The following ANO4 variants were observed in gnomAD, a reference collection of about 807,000 sequenced individuals.
The protein encoded by ANO4 is anoctamin-4.
ANO4 carries 69 observed loss-of-function variants against 141.9 expected under a neutral mutation model. That is an observed-to-expected ratio of 0.49 (90% CI 0.40 to 0.59). ANO4 has a LOEUF of 0.59. Ranked by LOEUF, ANO4 falls within the 20% of genes least tolerant of loss-of-function variation. The pLI, the probability that ANO4 is intolerant of heterozygous loss-of-function variation, is 0.00. For synonymous variants in ANO4, 350 were observed against 394.3 expected (o/e 0.89, Z 1.33); for missense variants, 894 against 1,162.2 (o/e 0.77, Z 3.36).
intron 8 of ANO4, among the ~76,000 whole-genome samples, chr12:101,016,472 A>G (rs1461886938): frequency 6.6e-6 from 1 of 152,026 alleles, no homozygotes; most frequent in East Asian, 1.9e-4. Flanking sequence ...CATGAACCAA[A>G]CACCTCCCAC....
intron 5 of ANO4, among the ~76,000 whole-genome samples, chr12:100,944,275 G>A (rs950573072): frequency 6.6e-6 from 1 of 152,078 alleles, no homozygotes. Context: ...GCTGCCTGTT[G>A]TACAGTTGTG....
chr12:100,762,495 G>A (rs1399932429), intron 3 of ANO4, among the ~76,000 whole-genome samples: 1 of 152,136 alleles, frequency 6.6e-6, no homozygotes, highest in Non-Finnish European at 1.5e-5. Flanking sequence ...CAGTTGAAAA[G>A]CAAGGCTCCC....
chr12:101,109,758 G>A (rs901628744), intron 22 of ANO4, among the ~76,000 whole-genome samples: 9 of 152,026 alleles, frequency 5.9e-5, no homozygotes, highest in Non-Finnish European at 1.5e-5. Flanking sequence ...TTATTACTGT[G>A]ATGTTTGACT....
intron 6 of ANO4, 170 bp from the exon 7 acceptor site, chr12:100,974,675 C>T (rs937259814): frequency 8.0e-6 from 6 of 745,562 alleles, no homozygotes; most frequent in African/African-American, 3.4e-5. Flanking sequence ...GACTCAAAAA[C>T]GCATGCCCTG....
intron 7 of ANO4, among the ~76,000 whole-genome samples, chr12:100,983,472 C>T (rs957990558): frequency 6.6e-6 from 1 of 152,162 alleles, no homozygotes; most frequent in Non-Finnish European, 1.5e-5. Flanking sequence ...GTGTTGGTCA[C>T]CCTGGGCTTT....
At chr12:101,043,867 G>A (rs1279855530) in intron 13 of ANO4, among the ~76,000 whole-genome samples, 1 of 152,230 alleles carries the variant, frequency 6.6e-6, no homozygotes, top group Admixed American at 6.5e-5. Context: ...GGCACAGTGT[G>A]AGGAGCACGG....
chr12:100,849,303 T>C (rs2037743151), intron 1 of ANO4, among the ~76,000 whole-genome samples: 1 of 152,236 alleles, frequency 6.6e-6, no homozygotes, highest in East Asian at 1.9e-4. Flanking sequence ...TCTGTATGTA[T>C]TTTCAAGTGT....
At chr12:101,098,030 G>A in intron 21 of ANO4, 85 bp downstream of exon 21, 3 of 1,243,274 alleles carry the variant, frequency 2.4e-6, no homozygotes, top group South Asian at 1.3e-5. Flanking sequence ...AAGCAATGCA[G>A]ACTCAGCAGT....
At chr12:100,794,199 C>T (rs1313954629), upstream of ANO4, among the ~76,000 whole-genome samples, 1 of 152,112 alleles carries the variant, frequency 6.6e-6, no homozygotes, top group African/African-American at 2.4e-5. Flanking sequence ...GTCATCTTAT[C>T]CTGCACTTTG....
intron 3 of ANO4, among the ~76,000 whole-genome samples, chr12:100,766,647 T>G (rs2135540590): frequency 6.6e-6 from 1 of 152,296 alleles, no homozygotes; most frequent in Middle Eastern, 3.4e-3. Flanking sequence ...AAGACTTACT[T>G]TATGGCCTAA....
intron 1 of ANO4, among the ~76,000 whole-genome samples, chr12:100,819,118 A>AT (rs60862613): frequency 0.24 from 35,422 of 150,416 alleles, 4,732 homozygotes; most frequent in Middle Eastern, 0.33. Context: ...CATTAGATGA[A>AT]TTTTTTTTGT....
chr12:100,934,083 C>T (rs900572577), intron 3 of ANO4, among the ~76,000 whole-genome samples: 1 of 152,248 alleles, frequency 6.6e-6, no homozygotes, highest in South Asian at 2.1e-4. Flanking sequence ...TTTTGCCGTG[C>T]AGAACCTCTT....
chr12:100,914,965 C>G (rs1254824908), intron 2 of ANO4, among the ~76,000 whole-genome samples: 1 of 152,132 alleles, frequency 6.6e-6, no homozygotes, highest in Admixed American at 6.5e-5. Flanking sequence ...CAGGTATGCA[C>G]CAATATGCCC....
chr12:100,957,824 A>G (rs879822058), intron 5 of ANO4, among the ~76,000 whole-genome samples: 33 of 152,188 alleles, frequency 2.2e-4, no homozygotes, highest in Non-Finnish European at 4.3e-4. Context: ...AAATTACCCC[A>G]TCTCAGGTAT....
chr12:100,742,721 A>C (rs1007088239), intron 3 of ANO4, among the ~76,000 whole-genome samples: 3 of 152,224 alleles, frequency 2.0e-5, no homozygotes, highest in African/African-American at 7.2e-5. Flanking sequence ...TCCTAGAAAG[A>C]ATGCTTAATA....
At chr12:101,085,997 T>C (rs930564121) in intron 16 of ANO4, among the ~76,000 whole-genome samples, 1 of 151,504 alleles carries the variant, frequency 6.6e-6, no homozygotes, top group East Asian at 1.9e-4. Context: ...GAAAAACAAA[T>C]AGTCTGGGAG....
intron 18 of ANO4, among the ~76,000 whole-genome samples, chr12:101,095,994 C>T (rs1356481399): frequency 7.2e-5 from 11 of 152,166 alleles, no homozygotes; most frequent in Admixed American, 7.2e-4. Context: ...ATGCCACCTC[C>T]TTGATATTTG....
intron 3 of ANO4, among the ~76,000 whole-genome samples, chr12:100,925,342 G>T (rs896479948): frequency 6.6e-6 from 1 of 151,930 alleles, no homozygotes; most frequent in Non-Finnish European, 1.5e-5. Context: ...GGAGTTCTGC[G>T]ACTGGCCCCA....
intron 5 of ANO4, among the ~76,000 whole-genome samples, chr12:100,947,207 C>G (rs1017796848): frequency 6.6e-6 from 1 of 152,158 alleles, no homozygotes. Flanking sequence ...GAAATAAATA[C>G]ATGTTTTTAT....
Sources: allele counts gnomAD v4.1 joint callset (sites outside exome capture counted in the v4.1 genomes callset), GRCh38; gene constraint gnomAD v4.1.1; transcripts MANE v1.5; gene names NCBI Gene and HGNC (gene_info 2026-07-23, HGNC 2026-07-21).